PPP2R5E: variants seen among roughly 807,000 people sequenced by gnomAD.
The protein encoded by PPP2R5E is serine/threonine-protein phosphatase 2A 56 kDa regulatory subunit epsilon isoform.
Under a neutral mutation model 65.3 loss-of-function variants are expected in PPP2R5E, and 4 were observed. The ratio of observed to expected loss-of-function variants is 0.06; its 90% CI spans 0.03 to 0.14. The LOEUF is 0.14. PPP2R5E is among the 10% of genes least tolerant of loss of function. The pLI, the probability that PPP2R5E is intolerant of heterozygous loss-of-function variation, is 1.00. For missense variants in PPP2R5E, 274 were observed against 556.1 expected, an observed-to-expected ratio of 0.49 and a Z score of 5.10; for synonymous variants, 183 against 187.4, an observed-to-expected ratio of 0.98 and a Z score of 0.19.
Position 63,396,625 on chromosome 14 carries a change from C to T in PPP2R5E, c.641G>A (p.Arg214Lys). 1 of 1,613,532 alleles carries T rather than the reference C, an allele frequency of 6.2e-7. No individual in the cohort carries two copies. The highest frequency in any genetic ancestry group is 8.5e-7 in the Non-Finnish European group (1 of 1,179,758). The change falls in exon 6 of 14, where the codon AGA becomes AAA. Residue 214 changes from arginine to lysine, a missense_variant. This residue lies in a region of PPP2R5E where 17 missense variants were observed against 90.3 expected (regional missense o/e 0.19). Transcript: ENST00000337537. ...HRIYGKFLGL[R>K]AFIRKQINNI... is the part of the protein sequence containing the mutation. ...GTTAATCTGTTTTCGGATAAATGCT[C>T]TAAGACCAAGAAACTTGCCATAAAT...
intron 2 of PPP2R5E, among the ~76,000 whole-genome samples, chr14:63,511,485 T>A (rs74056139): frequency 0.13 from 20,504 of 152,232 alleles, 1,508 homozygotes; most frequent in African/African-American, 0.17. Context: ...CAGCTTAAAT[T>A]GCCAAACCAC....
chr14:63,416,871 A>C (rs1886721837), intron 4 of PPP2R5E, among the ~76,000 whole-genome samples: 1 of 152,174 alleles, frequency 6.6e-6, no homozygotes, highest in South Asian at 2.1e-4. Flanking sequence ...TTAAGTATAC[A>C]AAGAAAATCA....
chr14:63,538,575 C>T (rs897157168), intron 2 of PPP2R5E, among the ~76,000 whole-genome samples: 20 of 151,804 alleles, frequency 1.3e-4, no homozygotes, highest in Admixed American at 9.8e-4. Flanking sequence ...TTCACTCTGT[C>T]CCCACTGAAC....
Position 63,374,991 on chromosome 14 carries a change from C to A in PPP2R5E, c.*1018G>T, listed in dbSNP as rs1427936828. The A allele has an allele frequency of 6.6e-6, 1 of 152,426 alleles. No individual in the cohort carries two copies. Among genetic ancestry groups the A allele is most frequent in the Non-Finnish European group, 1.5e-5 (1 of 67,984 alleles). 9.4% of individuals were successfully genotyped at this position (152,426 alleles called of 1,614,324 possible). On this transcript the variant is annotated 3_prime_UTR_variant, in exon 14 of 14. Coordinates refer to ENST00000337537, the MANE Select transcript of PPP2R5E (RefSeq NM_006246.5). The stretch of plus-strand genomic sequence containing the variant: ...GTTTGTTTTTTCCCAGAGGCTACAT[C>A]CTCTTTTGCTGGAATACTTTATAAA...
intron 2 of PPP2R5E, among the ~76,000 whole-genome samples, chr14:63,457,163 C>G (rs1889166271): frequency 6.6e-6 from 1 of 152,162 alleles, no homozygotes; most frequent in Admixed American, 6.5e-5. Flanking sequence ...TCTCATCTAC[C>G]TAGTCCCAGG....
At chr14:63,480,735 T>G (rs1208528806) in intron 2 of PPP2R5E, among the ~76,000 whole-genome samples, 3 of 152,222 alleles carry the variant, frequency 2.0e-5, no homozygotes, top group Non-Finnish European at 4.4e-5. Context: ...CATGAGCCAC[T>G]GTGCCTGGCC....
chr14:63,426,643 T>G (rs1293079310), intron 3 of PPP2R5E, among the ~76,000 whole-genome samples: 1 of 141,086 alleles, frequency 7.1e-6, no homozygotes, highest in African/African-American at 2.6e-5. Flanking sequence ...TATATAAGAC[T>G]ACTGCTGTCA....
chr14:63,530,634 T>C (rs900897615), intron 2 of PPP2R5E, among the ~76,000 whole-genome samples: 1 of 136,640 alleles, frequency 7.3e-6, no homozygotes, highest in Non-Finnish European at 1.6e-5. Context: ...CAATTTCTTT[T>C]TTTTTTTTTT....
chr14:63,489,173 A>AT (rs1371062806), intron 2 of PPP2R5E, among the ~76,000 whole-genome samples: 5 of 151,866 alleles, frequency 3.3e-5, no homozygotes, highest in Non-Finnish European at 7.4e-5. Flanking sequence ...TACTTTTTGC[A>AT]TTAATTTGGG....
At chr14:63,428,406 A>G (rs1330605781) in intron 3 of PPP2R5E, among the ~76,000 whole-genome samples, 1 of 152,224 alleles carries the variant, frequency 6.6e-6, no homozygotes, top group Non-Finnish European at 1.5e-5. Context: ...GTCCCATGCA[A>G]TATTTGGGAC....
At chr14:63,416,452 T>TG (rs1365140834) in intron 4 of PPP2R5E, among the ~76,000 whole-genome samples, 1 of 152,160 alleles carries the variant, frequency 6.6e-6, no homozygotes, top group Non-Finnish European at 1.5e-5. Flanking sequence ...AGATTAAATG[T>TG]GAAAATACAC....
intron 2 of PPP2R5E, among the ~76,000 whole-genome samples, chr14:63,470,216 C>T (rs770401205): frequency 2.6e-5 from 4 of 152,094 alleles, no homozygotes; most frequent in Admixed American, 2.0e-4. Flanking sequence ...GGATTACAGG[C>T]ATGCACCACC....
At chr14:63,455,765 C>G (rs528681385) in intron 2 of PPP2R5E, among the ~76,000 whole-genome samples, 12 of 152,150 alleles carry the variant, frequency 7.9e-5, no homozygotes, top group African/African-American at 2.2e-4. Context: ...CTTTCGAGAT[C>G]GAAATCAGAC....
At chr14:63,478,110 A>G (rs1220774841) in intron 2 of PPP2R5E, among the ~76,000 whole-genome samples, 2 of 152,192 alleles carry the variant, frequency 1.3e-5, no homozygotes, top group African/African-American at 2.4e-5. Flanking sequence ...GGCAAATTGA[A>G]TAAAGGTTTT....
chr14:63,391,828 T>A lies in PPP2R5E; in HGVS notation c.943A>T (p.Ser315Cys). The A allele has an allele frequency of 6.2e-7, 1 of 1,613,378 alleles. No individual in the cohort carries two copies. Among genetic ancestry groups the A allele is most frequent in the Non-Finnish European group, 8.5e-7 (1 of 1,179,314 alleles). Residue 315 changes from serine (S) to cysteine (C), a missense_variant, in exon 10 of 14, where the codon AGT becomes TGT. Physicochemically the swap from Ser to Cys is moderately radical, Grantham distance 112 (BLOSUM62 -1). Coordinates refer to ENST00000337537, the MANE Select transcript of PPP2R5E (RefSeq NM_006246.5). ...CAGTAAGCACTTACCTCTTTTTGAC[T>A]ACATGTTTTAGGCCAAAATTTCATT... ...GLMKFWPKTCSQKEVMFLGEL... is the reference protein window; with the variant it reads ...GLMKFWPKTCCQKEVMFLGEL...
In PPP2R5E at chr14:63,372,607, A is replaced by G. The variant is rs1457230196; in HGVS notation, c.*3402T>C. On this transcript the variant is annotated 3_prime_UTR_variant, in exon 14 of 14. Coordinates refer to ENST00000337537, the MANE Select transcript of PPP2R5E (RefSeq NM_006246.5). The stretch of plus-strand genomic sequence containing the variant: ...ACCACCCCAAACCCCAAAAAACTCT[A>G]AACACTTAAAAATGCCAATAACATC... 6.6e-6 allele frequency: 1 copy of G among 152,152 alleles called. No individual in the cohort carries two copies. The highest frequency in any genetic ancestry group is 1.5e-5 in the Non-Finnish European group (1 of 68,022). 9.4% of individuals were successfully genotyped at this position (152,152 alleles called of 1,614,324 possible).
At chr14:63,455,499 G>C (rs1196658958) in intron 2 of PPP2R5E, among the ~76,000 whole-genome samples, 1 of 152,060 alleles carries the variant, frequency 6.6e-6, no homozygotes, top group Non-Finnish European at 1.5e-5. Flanking sequence ...ATCACTCCTA[G>C]GTCCCCAAAA....
chr14:63,458,663 C>A (rs188568560), intron 2 of PPP2R5E, among the ~76,000 whole-genome samples: 1 of 151,962 alleles, frequency 6.6e-6, no homozygotes, highest in Middle Eastern at 3.2e-3. Context: ...ATTATTTACA[C>A]ATAAACTATT....
chr14:63,388,848 C>T (rs1884836965), intron 11 of PPP2R5E, among the ~76,000 whole-genome samples: 1 of 152,164 alleles, frequency 6.6e-6, no homozygotes, highest in Non-Finnish European at 1.5e-5. Flanking sequence ...CTCTTCCAAT[C>T]AATAGGCACA....
Sources: gnomAD v4.1 joint callset for allele counts (sites outside exome capture counted in the v4.1 genomes callset) on GRCh38, gnomAD v4.1.1 for gene constraint, gnomAD v4.1.1 regional missense constraint, MANE v1.5 for transcripts, NCBI Gene and HGNC (gene_info 2026-07-23, HGNC 2026-07-21) for gene names.